The following MTUS2 variants were observed in gnomAD, a reference collection of about 807,000 sequenced individuals.
MTUS2 encodes microtubule associated scaffold protein 2, also known as microtubule-associated tumor suppressor candidate 2.
In MTUS2, 40 loss-of-function variants were observed where a neutral mutation model predicts 114.1. The ratio of observed to expected loss-of-function variants is 0.35; its 90% CI spans 0.27 to 0.46. The LOEUF is 0.46. Ranked by LOEUF, MTUS2 falls within the 20% of genes least tolerant of loss-of-function variation. The pLI is 1.00. For missense variants in MTUS2, 1,679 were observed against 1,705.4 expected, an observed-to-expected ratio of 0.98 and a Z score of 0.27; for synonymous variants, 688 against 672.0, an observed-to-expected ratio of 1.02 and a Z score of -0.37.
At chr13:29,012,410 T>G (rs1236218364) in intron 2 of MTUS2, among the ~76,000 whole-genome samples, 1 of 152,120 alleles carries the variant, frequency 6.6e-6, no homozygotes, top group African/African-American at 2.4e-5. Flanking sequence ...GTGTCCACAT[T>G]GCAGAGGAGA....
chr13:29,324,462 A>C (rs1252480678), intron 6 of MTUS2, 151 bp from the exon 7 acceptor site: 5 of 609,938 alleles, frequency 8.2e-6, no homozygotes, highest in African/African-American at 3.7e-5. Context: ...CATCAAGCAC[A>C]GGGGGTGGTG....
chr13:29,504,256 G>A lies in MTUS2; in HGVS notation c.*1050G>A, dbSNP rs927749031. Reference sequence around the variant, plus strand: ...CTTTCCATGTGGTTCACTCTGATGCGATGCTGTAAATGATCAACTCTTTGA... The same window carrying A: ...CTTTCCATGTGGTTCACTCTGATGCAATGCTGTAAATGATCAACTCTTTGA... On this transcript the variant is annotated 3_prime_UTR_variant, in exon 16 of 16. Transcript: ENST00000612955. The A allele has an allele frequency of 2.6e-5, 6 of 232,166 alleles. No individual in the cohort carries two copies. Among genetic ancestry groups the A allele is most frequent in the South Asian group, 3.6e-4 (2 of 5,498 alleles). 14.4% of individuals were successfully genotyped at this position (232,166 alleles called of 1,614,324 possible).
chr13:29,492,840 A>G, intron 12 of MTUS2, 121 bp downstream of exon 12: 2 of 744,028 alleles, frequency 2.7e-6, no homozygotes, highest in Non-Finnish European at 2.2e-6. Flanking sequence ...AATAGAATAT[A>G]AGGTAAATAA....
At position 28,826,503 on chromosome 13, in the gene MTUS2, T is replaced by C. The variant is rs185211912; in HGVS notation, c.-316+5892T>C. Among the ~76,000 whole-genome samples the C allele has an allele frequency of 1.3e-3, 203 of 152,346 alleles. 1 individual carries two copies. The highest frequency in any genetic ancestry group is 2.5e-3 in the Non-Finnish European group (168 of 68,026). On this transcript the variant is annotated intron_variant, in intron 1 of 15. Transcript: ENST00000612955. ...TACTCTGTTTACTGTAGACCCATTGTACCAGTATGTTCAGTTCCCATAGAA... is the reference window on the plus strand; with the variant it reads ...TACTCTGTTTACTGTAGACCCATTGCACCAGTATGTTCAGTTCCCATAGAA...
chr13:28,923,418 C>A (rs1881155652), intron 2 of MTUS2, among the ~76,000 whole-genome samples: 1 of 152,200 alleles, frequency 6.6e-6, no homozygotes, highest in South Asian at 2.1e-4. Flanking sequence ...AAGGCAGTCA[C>A]CCTGTATAAG....
At chr13:29,304,342 G>C (rs1313745022) in intron 6 of MTUS2, among the ~76,000 whole-genome samples, 1 of 152,088 alleles carries the variant, frequency 6.6e-6, no homozygotes, top group South Asian at 2.1e-4. Flanking sequence ...GGCACAGAAT[G>C]GCAAGCTGGA....
chr13:28,911,013 C>G (rs979958698), intron 2 of MTUS2, among the ~76,000 whole-genome samples: 6 of 150,652 alleles, frequency 4.0e-5, no homozygotes, highest in African/African-American at 1.5e-4. Flanking sequence ...ATAGCTGGGA[C>G]TACAGGCATC....
intron 8 of MTUS2, 52 bp from the exon 9 acceptor site, chr13:29,439,931 C>T: frequency 2.2e-6 from 3 of 1,352,668 alleles, no homozygotes; most frequent in Non-Finnish European, 2.1e-6. Context: ...TGTGAAAGTG[C>T]TTATCTAGCA....
At chr13:29,488,492 G>A (rs1881808787) in intron 11 of MTUS2, among the ~76,000 whole-genome samples, 1 of 143,622 alleles carries the variant, frequency 7.0e-6, no homozygotes, top group Admixed American at 7.1e-5. Context: ...CCAGGCTGGA[G>A]TGCAGTGGTG....
At chr13:28,841,368 G>A (rs1221161686) in intron 2 of MTUS2, among the ~76,000 whole-genome samples, 1 of 152,194 alleles carries the variant, frequency 6.6e-6, no homozygotes, top group African/African-American at 2.4e-5. Context: ...GTAAGTAGGT[G>A]GATGTGGCAG....
intron 2 of MTUS2, among the ~76,000 whole-genome samples, chr13:28,860,597 C>T (rs1876913003): frequency 6.6e-6 from 1 of 152,148 alleles, no homozygotes; most frequent in Non-Finnish European, 1.5e-5. Context: ...GCATGTCAGC[C>T]TAGTGGGGGA....
intron 8 of MTUS2, among the ~76,000 whole-genome samples, chr13:29,369,437 TGTCAACTACA>T: frequency 6.6e-6 from 1 of 152,280 alleles, no homozygotes. Flanking sequence ...CTCCCTAAAG[TGTCAACTACA>T]GTCCTGCCTA....
At chr13:29,253,285 G>T (rs1051754779) in intron 5 of MTUS2, among the ~76,000 whole-genome samples, 3 of 151,892 alleles carry the variant, frequency 2.0e-5, no homozygotes, top group Non-Finnish European at 4.4e-5. Flanking sequence ...AATTAGCCAG[G>T]TGTGGTGGCA....
intron 2 of MTUS2, among the ~76,000 whole-genome samples, chr13:28,912,654 G>A (rs1880508951): frequency 6.6e-6 from 1 of 152,184 alleles, no homozygotes; most frequent in Admixed American, 6.6e-5. Flanking sequence ...AGCATGGATT[G>A]TTTTTCCATT....
At position 29,026,729 on chromosome 13, in the gene MTUS2, T is replaced by C. The variant is rs374271390; in HGVS notation, c.2031T>C (p.Pro677=). 2.5e-6 allele frequency: 4 copies of C among 1,613,846 alleles called. No homozygotes were observed. The African/African-American group carries it at 5.3e-5, about 22-fold the overall frequency. Reference sequence around the variant, plus strand: ...ATGCCCCGCCCACATGTACCATGCCTCTTCCCCACGAAGAGAAGGCAGCAG... The same window carrying C: ...ATGCCCCGCCCACATGTACCATGCCCCTTCCCCACGAAGAGAAGGCAGCAG... ...LPYAPPTCTM[P]LPHEEKAAGG... Residue 677 remains proline, a synonymous_variant, in exon 3 of 16, where the codon CCT becomes CCC. Coordinates refer to ENST00000612955, the MANE Select transcript of MTUS2 (RefSeq NM_001033602.4).
intron 5 of MTUS2, among the ~76,000 whole-genome samples, chr13:29,218,419 T>C (rs950343451): frequency 6.6e-6 from 1 of 152,230 alleles, no homozygotes; most frequent in African/African-American, 2.4e-5. Context: ...TCTTTCAAAC[T>C]GCTGTTAATT....
intron 5 of MTUS2, among the ~76,000 whole-genome samples, chr13:29,208,382 C>G (rs1323585592): frequency 6.6e-6 from 1 of 151,904 alleles, no homozygotes; most frequent in African/African-American, 2.4e-5. Flanking sequence ...AAAGAACAAG[C>G]TTTTTGTTTC....
At chr13:29,267,497 T>C (rs1158153254) in intron 5 of MTUS2, among the ~76,000 whole-genome samples, 1 of 152,248 alleles carries the variant, frequency 6.6e-6, no homozygotes, top group Non-Finnish European at 1.5e-5. Flanking sequence ...ACATTTTCCC[T>C]GTGTCCCCTA....
chr13:29,457,099 C>T (rs191534243), intron 9 of MTUS2, among the ~76,000 whole-genome samples: 3 of 149,642 alleles, frequency 2.0e-5, no homozygotes, highest in Non-Finnish European at 4.4e-5. Context: ...GAGCCGAGAT[C>T]GCGACACTGC....
Sources: gnomAD v4.1 joint callset for allele counts (sites outside exome capture counted in the v4.1 genomes callset) on GRCh38, gnomAD v4.1.1 for gene constraint, MANE v1.5 for transcripts, NCBI Gene and HGNC (gene_info 2026-07-23, HGNC 2026-07-21) for gene names.